MACF1: variants seen among roughly 807,000 people sequenced by gnomAD.
The protein encoded by MACF1 is microtubule actin crosslinking factor 1.
In MACF1, 193 loss-of-function variants were observed where a neutral mutation model predicts 854.8. That is an observed-to-expected ratio of 0.23 (90% CI 0.20 to 0.25). The LOEUF (loss-of-function observed/expected upper bound fraction) is 0.25. Among genes scored for constraint, MACF1 ranks in the 10% least tolerant of loss-of-function variants. MACF1 has a pLI of 1.00. For synonymous variants in MACF1, 3,185 were observed against 3,226.7 expected (o/e 0.99, Z 0.44); for missense variants, 7,722 against 8,929.1 (o/e 0.86, Z 5.45).
intron 58 of MACF1, among the ~76,000 whole-genome samples, chr1:39,419,913 C>T (rs1643471917): frequency 6.6e-6 from 1 of 152,008 alleles, no homozygotes; most frequent in Admixed American, 6.6e-5. Flanking sequence ...GGCAATCTGT[C>T]TGCCTTGGCC....
At chr1:39,425,905 T>A (rs1643711123) in intron 61 of MACF1, among the ~76,000 whole-genome samples, 1 of 152,194 alleles carries the variant, frequency 6.6e-6, no homozygotes, top group Middle Eastern at 3.2e-3. Context: ...CCTTCTACTT[T>A]ACTTGTTTCC....
intron 43 of MACF1, among the ~76,000 whole-genome samples, chr1:39,352,580 C>T (rs938155413): frequency 6.6e-6 from 1 of 152,116 alleles, no homozygotes; most frequent in Non-Finnish European, 1.5e-5. Flanking sequence ...TGCAGTGGCA[C>T]GATCTTGGCT....
chr1:39,298,602 C>T (rs548861770), intron 21 of MACF1: 14 of 418,320 alleles, frequency 3.3e-5, no homozygotes, highest in East Asian at 2.9e-4. Flanking sequence ...TTTTTTTTGT[C>T]GGTAAAATTT....
intron 2 of MACF1, among the ~76,000 whole-genome samples, chr1:39,160,459 T>A (rs1317254956): frequency 6.6e-6 from 1 of 152,248 alleles, no homozygotes; most frequent in Admixed American, 6.5e-5. Context: ...ACACTACTAC[T>A]CACCTTGAAT....
intron 58 of MACF1, chr1:39,413,009 C>T: frequency 6.3e-7 from 1 of 1,583,432 alleles, no homozygotes. Flanking sequence ...GTTACAGTAT[C>T]TGTCCCTGAA....
chr1:39,382,753 C>G (rs1650350852), intron 56 of MACF1, among the ~76,000 whole-genome samples: 1 of 151,934 alleles, frequency 6.6e-6, no homozygotes, highest in South Asian at 2.1e-4. Context: ...TATCTTATAT[C>G]TGCCGGCTTT....
intron 16 of MACF1, among the ~76,000 whole-genome samples, chr1:39,292,310 CA>C (rs1645808023): frequency 6.6e-6 from 1 of 152,166 alleles, no homozygotes; most frequent in Admixed American, 6.5e-5. Context: ...GTAGTGGATG[CA>C]GCATCCAAAC....
chr1:39,359,098 ATTAC>A (rs1557608227), intron 46 of MACF1, 39 bp from the exon 47 acceptor site: 3 of 1,610,704 alleles, frequency 1.9e-6, no homozygotes, highest in Non-Finnish European at 2.5e-6. Context: ...ATCATCTTTG[ATTAC>A]TTAGATGTTT....
At chr1:39,153,612 G>T (rs1643626187) in intron 2 of MACF1, among the ~76,000 whole-genome samples, 1 of 152,194 alleles carries the variant, frequency 6.6e-6, no homozygotes, top group Non-Finnish European at 1.5e-5. Context: ...CAGGCCTGGG[G>T]TGGCCACAGG....
intron 23 of MACF1, among the ~76,000 whole-genome samples, chr1:39,307,398 T>C (rs1273904515): frequency 1.3e-5 from 2 of 152,240 alleles, no homozygotes; most frequent in African/African-American, 4.8e-5. Flanking sequence ...AACAGTCTGA[T>C]ACTTTTACCT....
rs1643766089 is a variant in MACF1, at chr1:39,427,545, A to G, written c.16407A>G (p.Lys5469=). ...PISDFLSVTE[K]KLANSEPVGT... Reference sequence around the variant, plus strand: ...CTGACTTCTTATCTGTCACAGAGAAAAAGCTTGCTAACTCAGAACCTGTTG... The same window carrying G: ...CTGACTTCTTATCTGTCACAGAGAAGAAGCTTGCTAACTCAGAACCTGTTG... Residue 5469 remains lysine (K), a synonymous_variant, in exon 62 of 101, where the codon AAA becomes AAG. Coordinates refer to ENST00000564288, the MANE Select transcript of MACF1 (RefSeq NM_001394062.1). 1.2e-6 allele frequency: 2 copies of G among 1,614,044 alleles called. No individual in the cohort carries two copies. The highest frequency in any genetic ancestry group is 1.3e-5 in the African/African-American group (1 of 74,944).
chr1:39,289,104 G>T (rs191352055), intron 15 of MACF1, among the ~76,000 whole-genome samples: 36 of 152,288 alleles, frequency 2.4e-4, no homozygotes, highest in African/African-American at 8.4e-4. Flanking sequence ...GTACTCCATT[G>T]TGTTTAAGTA....
chr1:39,190,573 C>G (rs1644243665), intron 2 of MACF1, among the ~76,000 whole-genome samples: 1 of 151,656 alleles, frequency 6.6e-6, no homozygotes, highest in South Asian at 2.1e-4. Flanking sequence ...CTCCTGGGCT[C>G]AAGAAATCTG....
Position 39,381,958 on chromosome 1 carries a change from C to G in MACF1, c.13654C>G (p.Arg4552Gly). The change falls in exon 56 of 101, where the codon CGA becomes GGA. Residue 4552 changes from arginine to glycine, a missense_variant. Arg to Gly is a moderately radical substitution (Grantham distance 125). Coordinates refer to ENST00000564288, the MANE Select transcript of MACF1 (RefSeq NM_001394062.1). ...WKKIQEELNSRWERATEVTVA... is the reference protein window; with the variant it reads ...WKKIQEELNSGWERATEVTVA... ...CCCTCATTTCCTCTCTACAGATTCC[C>G]GATGGGAAAGGGCCACTGAGGTTAC... is the stretch of plus-strand genomic sequence containing the variant. The G allele has an allele frequency of 1.9e-6, 3 of 1,613,290 alleles. No homozygotes were observed. Among genetic ancestry groups the G allele is most frequent in the Non-Finnish European group, 2.5e-6 (3 of 1,179,506 alleles).
chr1:39,388,989 C>T (rs1641917349), intron 58 of MACF1, among the ~76,000 whole-genome samples: 1 of 150,476 alleles, frequency 6.6e-6, no homozygotes, highest in Admixed American at 6.6e-5. Flanking sequence ...AGCGATCCTC[C>T]CACTTCAGTC....
intron 6 of MACF1, among the ~76,000 whole-genome samples, chr1:39,258,999 A>G (rs1287452392): frequency 6.6e-6 from 1 of 152,338 alleles, no homozygotes; most frequent in African/African-American, 2.4e-5. Context: ...GTGGAACCAC[A>G]GGGTATCCTC....
In MACF1 at chr1:39,162,091, C is replaced by T. The variant is rs111926194; in HGVS notation, c.221-69091C>T. The stretch of plus-strand genomic sequence containing the variant: ...TCTTTTTTTTTTGCAATCTCCGCCT[C>T]CCGGGTTCAAGCAATTCTTGTACCT... On this transcript the variant is annotated intron_variant, in intron 2 of 93. Coordinates refer to the MACF1 transcript ENST00000361689. 3.0e-3 allele frequency among the ~76,000 whole-genome samples: 461 copies of T among 151,636 alleles called. 3 individuals carry two copies. Among genetic ancestry groups the T allele is most frequent in the Middle Eastern group, 6.8e-3 (2 of 294 alleles).
chr1:39,430,369 T>C (rs1643859078), intron 65 of MACF1, among the ~76,000 whole-genome samples: 1 of 152,000 alleles, frequency 6.6e-6, no homozygotes, highest in South Asian at 2.1e-4. Flanking sequence ...CATAGAAATA[T>C]TGTATAGGTA....
At chr1:39,439,573 G>A (rs1644056753) in intron 72 of MACF1, 73 bp downstream of exon 72, 1 of 1,251,214 alleles carries the variant, frequency 8.0e-7, no homozygotes, top group Non-Finnish European at 1.1e-6. Flanking sequence ...ATCAAAGTGA[G>A]GTATGTTAAC....
Sources: allele counts gnomAD v4.1 joint callset (sites outside exome capture counted in the v4.1 genomes callset), GRCh38; gene constraint gnomAD v4.1.1; transcripts MANE v1.5; gene names NCBI Gene and HGNC (gene_info 2026-07-23, HGNC 2026-07-21).